Variants in UGP2 observed in about 807,000 individuals in gnomAD.
UGP2 encodes UDP-glucose pyrophosphorylase 2.
A neutral mutation model predicts 49.0 loss-of-function variants in UGP2; 40 were observed. The ratio of observed to expected loss-of-function variants is 0.82; its 90% CI spans 0.63 to 1.06. UGP2 has a LOEUF of 1.06. UGP2 is among the 50% of genes least tolerant of loss of function. The probability of loss-of-function intolerance (pLI) is 0.00; values close to 1 mark genes in which losing one functional copy is unlikely to be tolerated. For missense variants in UGP2, 460 were observed against 603.5 expected (o/e 0.76, Z 2.49); for synonymous variants, 225 against 213.0 (o/e 1.06, Z -0.49).
At position 63,887,640 on chromosome 2, in the gene UGP2, C is replaced by T. The variant is rs772292329; in HGVS notation, c.1310C>T (p.Thr437Met). 1.2e-6 allele frequency: 2 copies of T among 1,613,756 alleles called. No homozygotes were observed. Among genetic ancestry groups the T allele is most frequent in the Non-Finnish European group, 1.7e-6 (2 of 1,179,922 alleles). ...TTGGTTAAATTAGGCAGTTCTTTTA[C>T]GAAGGTACGTAACTATAAAGATATG... Reference protein sequence around the residue: ...VPLVKLGSSFTKVQDYLRRFE... With the variant: ...VPLVKLGSSFMKVQDYLRRFE... Residue 437 changes from threonine (T) to methionine (M), a missense_variant, in exon 8 of 10, where the codon ACG (threonine) becomes ATG (methionine). Coordinates refer to ENST00000337130, the MANE Select transcript of UGP2 (RefSeq NM_006759.4).
chr2:63,851,023 C>A, intron 1 of UGP2, among the ~76,000 whole-genome samples: 1 of 152,184 alleles, frequency 6.6e-6, no homozygotes, highest in Non-Finnish European at 1.5e-5. Context: ...ATAAGATAAA[C>A]ATTGAATAAA....
intron 1 of UGP2, among the ~76,000 whole-genome samples, chr2:63,853,450 C>G (rs1003170168): frequency 6.6e-6 from 1 of 152,078 alleles, no homozygotes; most frequent in Admixed American, 6.5e-5. Context: ...GATCACAAGT[C>G]ATTTCCCGAT....
At chr2:63,875,992 A>G (rs564499920) in intron 3 of UGP2, among the ~76,000 whole-genome samples, 4 of 152,234 alleles carry the variant, frequency 2.6e-5, no homozygotes, top group Non-Finnish European at 5.9e-5. Flanking sequence ...AACACTAGCC[A>G]TCTTTGCTTG....
chr2:63,877,806 A>G (rs1671010362), intron 3 of UGP2, among the ~76,000 whole-genome samples: 1 of 151,512 alleles, frequency 6.6e-6, no homozygotes. Flanking sequence ...ATCCTGGCTA[A>G]CAAGGTGAAA....
intron 1 of UGP2, among the ~76,000 whole-genome samples, chr2:63,850,882 C>T (rs1669000890): frequency 6.6e-6 from 1 of 152,180 alleles, no homozygotes; most frequent in African/African-American, 2.4e-5. Flanking sequence ...ATAGCTGGAT[C>T]ATAATAGGCT....
At chr2:63,842,510 C>T in intron 1 of UGP2, 1 of 1,535,332 alleles carries the variant, frequency 6.5e-7, no homozygotes, top group Non-Finnish European at 8.7e-7. Flanking sequence ...CTAATTAATC[C>T]TTGTTCTCTT....
At chr2:63,853,060 G>A (rs1669146331) in intron 1 of UGP2, among the ~76,000 whole-genome samples, 1 of 152,118 alleles carries the variant, frequency 6.6e-6, no homozygotes, top group Admixed American at 6.5e-5. Context: ...AGAGTGGCAT[G>A]AGAATTGAGG....
Position 63,842,216 on chromosome 2 carries a change from T to G in UGP2, c.19+12T>G, listed in dbSNP as rs965983059. 1 of 1,608,776 alleles carries G rather than the reference T, an allele frequency of 6.2e-7. No homozygotes were observed. Among genetic ancestry groups the G allele is most frequent in the African/African-American group, 1.3e-5 (1 of 74,430 alleles). ...GAGATTTGTACAAGGTAAGAAATGC[T>G]GCTGCTTATATCCCGAGTTGCTTCA... On this transcript the variant is annotated intron_variant, in intron 1 of 9. Transcript: ENST00000337130.
At chr2:63,850,653 G>A (rs1196013145) in intron 1 of UGP2, among the ~76,000 whole-genome samples, 2 of 152,156 alleles carry the variant, frequency 1.3e-5, no homozygotes, top group African/African-American at 4.8e-5. Context: ...CTACCTATCT[G>A]TGTGAAACTT....
intron 3 of UGP2, among the ~76,000 whole-genome samples, chr2:63,875,620 A>G (rs1443788136): frequency 6.6e-6 from 1 of 152,210 alleles, no homozygotes; most frequent in Non-Finnish European, 1.5e-5. Context: ...TGTTGTTTAG[A>G]GCGTGTTCTT....
At chr2:63,843,268 G>T (rs151106783) in intron 1 of UGP2, among the ~76,000 whole-genome samples, 2 of 152,166 alleles carry the variant, frequency 1.3e-5, no homozygotes, top group African/African-American at 2.4e-5. Context: ...GAAACAGATC[G>T]AACGCTATGC....
At chr2:63,845,176 G>A (rs1258579259) in intron 1 of UGP2, among the ~76,000 whole-genome samples, 2 of 152,112 alleles carry the variant, frequency 1.3e-5, no homozygotes, top group African/African-American at 4.8e-5. Context: ...TGAGAAAGAT[G>A]GAAAGGTACA....
Position 63,845,009 on chromosome 2 carries a change from GAAAT to G in UGP2, c.19+2807_19+2810del, listed in dbSNP as rs573008593. On this transcript the variant is annotated intron_variant, in intron 1 of 9. Transcript: ENST00000337130. ...CAAAGATAATATTATATCCTTGGGA[GAAAT>G]ACAGTGTTTTGTAAGTGGACGATAC... 2.2e-3 allele frequency among the ~76,000 whole-genome samples: 339 copies of G among 152,338 alleles called. 2 individuals are homozygous for G. Among genetic ancestry groups the G allele is most frequent in the African/African-American group, 7.9e-3 (328 of 41,578 alleles).
At chr2:63,871,396 C>T (rs1670539887) in intron 3 of UGP2, among the ~76,000 whole-genome samples, 2 of 152,174 alleles carry the variant, frequency 1.3e-5, no homozygotes, top group African/African-American at 4.8e-5. Context: ...AGCAATTTTC[C>T]TGCCTCAGCC....
chr2:63,848,696 C>T (rs955960797), intron 1 of UGP2, among the ~76,000 whole-genome samples: 12 of 152,164 alleles, frequency 7.9e-5, no homozygotes, highest in African/African-American at 2.9e-4. Flanking sequence ...CTGCCAGGCA[C>T]GTGTCCTTCT....
intron 1 of UGP2, among the ~76,000 whole-genome samples, chr2:63,845,204 C>T (rs768864272): frequency 2.0e-4 from 30 of 152,156 alleles, no homozygotes; most frequent in South Asian, 1.0e-3. Flanking sequence ...ATTTGAATAC[C>T]GTTACTAGCA....
rs751800377 is a variant in UGP2 at position 63,885,572 on chromosome 2, C to CTT, written c.576-6_576-5dup. ...CTACAGGGTCAATATTGAAAAAGAACTTTTTTTTTTTTAAAGGTACCCGAG... is the reference window on the plus strand; with the variant it reads ...CTACAGGGTCAATATTGAAAAAGAACTTTTTTTTTTTTTTAAAGGTACCCGAG... On this transcript the variant is annotated splice_polypyrimidine_tract_variant and intron_variant, in intron 5 of 9. Coordinates refer to ENST00000337130, the MANE Select transcript of UGP2 (RefSeq NM_006759.4). The CTT allele has an allele frequency of 5.7e-5, 63 of 1,101,238 alleles. No individual in the cohort carries two copies. The highest frequency in any genetic ancestry group is 2.3e-4 in the South Asian group (13 of 55,442). 68.2% of individuals were successfully genotyped at this position (1,101,238 alleles called of 1,614,324 possible). A position where few individuals can be genotyped will look rare whatever the true frequency, so the allele number is the denominator to read the frequency against.
intron 3 of UGP2, among the ~76,000 whole-genome samples, chr2:63,861,471 C>T (rs1014572843): frequency 2.0e-5 from 3 of 151,850 alleles, no homozygotes; most frequent in African/African-American, 2.4e-5. Context: ...ACAAAATATT[C>T]TCTAAAGAAG....
At chr2:63,887,345 T>C in intron 7 of UGP2, 57 bp from the exon 8 acceptor site, 2 of 1,599,522 alleles carry the variant, frequency 1.3e-6, no homozygotes, top group Non-Finnish European at 1.7e-6. Context: ...TACATGGAAC[T>C]AAGTTGTAGG....
Sources: gnomAD v4.1 joint callset for allele counts (sites outside exome capture counted in the v4.1 genomes callset) on GRCh38, gnomAD v4.1.1 for gene constraint, MANE v1.5 for transcripts, NCBI Gene and HGNC (gene_info 2026-07-23, HGNC 2026-07-21) for gene names.